The following LDLRAD4 variants were observed in gnomAD, a reference collection of about 807,000 sequenced individuals.
LDLRAD4 encodes the protein low-density lipoprotein receptor class A domain-containing protein 4.
LDLRAD4 carries 5 observed loss-of-function variants against 17.0 expected under a neutral mutation model. The ratio of observed to expected loss-of-function variants is 0.29; its 90% CI spans 0.15 to 0.62. The LOEUF (loss-of-function observed/expected upper bound fraction) is 0.62. LDLRAD4 is among the 20% of genes least tolerant of loss of function. LDLRAD4 has a pLI of 0.84. For synonymous variants in LDLRAD4, 168 were observed against 171.8 expected (o/e 0.98, Z 0.17); for missense variants, 340 against 424.7 (o/e 0.80, Z 1.75).
chr18:13,283,335 G>A (rs1156418704), intron 1 of LDLRAD4, among the ~76,000 whole-genome samples: 4 of 152,154 alleles, frequency 2.6e-5, no homozygotes, highest in Admixed American at 2.0e-4. Flanking sequence ...TTTATGCTCT[G>A]CTTCCCTTAT....
intron 3 of LDLRAD4, among the ~76,000 whole-genome samples, chr18:13,445,052 C>T (rs1396577708): frequency 1.3e-5 from 2 of 152,184 alleles, no homozygotes; most frequent in African/African-American, 4.8e-5. Context: ...TATTCTGGGA[C>T]CAGCAGTGTG....
At chr18:13,650,015 C>T in exon 6 of LDLRAD4, 1 of 398,534 alleles carries the variant, frequency 2.5e-6, no homozygotes, top group Non-Finnish European at 4.4e-6. Flanking sequence ...CAGCCCAGAT[C>T]CTAAATGCTA....
intron 1 of LDLRAD4, among the ~76,000 whole-genome samples, chr18:13,265,963 C>T (rs979701101): frequency 2.0e-5 from 3 of 152,158 alleles, no homozygotes; most frequent in Non-Finnish European, 4.4e-5. Flanking sequence ...TGGATCTGCT[C>T]GATCTAGGTT....
intron 2 of LDLRAD4, among the ~76,000 whole-genome samples, chr18:13,399,827 G>C (rs114960118): frequency 0.012 from 1,806 of 152,304 alleles, 41 homozygotes; most frequent in African/African-American, 0.04. Flanking sequence ...AGATGCCTTG[G>C]TAAGTTGATC....
chr18:13,424,511 G>T (rs2089766807), intron 2 of LDLRAD4, among the ~76,000 whole-genome samples: 1 of 152,212 alleles, frequency 6.6e-6, no homozygotes, highest in South Asian at 2.1e-4. Flanking sequence ...CTGGCCCCTG[G>T]GGATGCAAAG....
intron 1 of LDLRAD4, among the ~76,000 whole-genome samples, chr18:13,359,970 G>A (rs2083566024): frequency 6.6e-6 from 1 of 152,204 alleles, no homozygotes; most frequent in African/African-American, 2.4e-5. Context: ...TTTGTTTCTA[G>A]CAATCTTTGG....
intron 3 of LDLRAD4, among the ~76,000 whole-genome samples, chr18:13,585,885 A>G (rs1281031816): frequency 6.6e-6 from 1 of 152,218 alleles, no homozygotes; most frequent in Non-Finnish European, 1.5e-5. Context: ...GAGAACTGAA[A>G]GTTAGCTAAT....
chr18:13,231,217 G>A (rs1053491175), intron 1 of LDLRAD4, among the ~76,000 whole-genome samples: 8 of 152,196 alleles, frequency 5.3e-5, no homozygotes, highest in African/African-American at 1.9e-4. Context: ...GGGAGGAAGC[G>A]GGAGGGAGAA....
intron 4 of LDLRAD4, among the ~76,000 whole-genome samples, chr18:13,639,090 G>A (rs2042309381): frequency 6.6e-6 from 1 of 152,210 alleles, no homozygotes; most frequent in African/African-American, 2.4e-5. Context: ...TTAAAATTCT[G>A]TGAACTACTT....
intron 3 of LDLRAD4, among the ~76,000 whole-genome samples, chr18:13,566,131 G>A (rs1443392791): frequency 6.6e-6 from 1 of 152,180 alleles, no homozygotes; most frequent in Non-Finnish European, 1.5e-5. Flanking sequence ...CATGGTTACA[G>A]TTACATCCGC....
chr18:13,601,232 A>G (rs899292276), intron 3 of LDLRAD4, among the ~76,000 whole-genome samples: 2 of 152,240 alleles, frequency 1.3e-5, no homozygotes, highest in Non-Finnish European at 1.5e-5. Flanking sequence ...GCATTTAACA[A>G]TGATCATTTA....
chr18:13,367,883 A>C lies in LDLRAD4; in HGVS notation c.-382-19458A>C, dbSNP rs1160923364. 6.6e-6 allele frequency among the ~76,000 whole-genome samples: 1 copy of C among 151,790 alleles called. No individual in the cohort carries two copies. The highest frequency in any genetic ancestry group is 1.5e-5 in the Non-Finnish European group (1 of 67,918). On this transcript the variant is annotated intron_variant, in intron 1 of 5. Transcript: ENST00000359446. The surrounding 1 kb of genome is among the most constrained non-coding windows in gnomAD (Gnocchi z 4.1). ...GTGTATCGAGAGGGGACGACTGGGC[A>C]TGGGGGCGTGTGCCTGTGGTCACAG... is the stretch of plus-strand genomic sequence containing the variant.
At position 13,645,550 on chromosome 18, in the gene LDLRAD4, C is replaced by T. The variant is rs778275333; in HGVS notation, c.814C>T (p.Arg272Cys). Residue 272 changes from arginine to cysteine, a missense_variant, in exon 6 of 6, where the codon CGC (arginine) becomes TGC (cysteine). Coordinates refer to ENST00000359446, the Ensembl canonical transcript of LDLRAD4. The surrounding 1 kb of genome is among the most constrained non-coding windows in gnomAD (Gnocchi z 5.7). ...AGGCGCCTCTTTCCTCCATCACCAGCGCAGCAACGCACACAGGGGCAGCAG... is the reference window on the plus strand; with the variant it reads ...AGGCGCCTCTTTCCTCCATCACCAGTGCAGCAACGCACACAGGGGCAGCAG... 6.2e-6 allele frequency: 10 copies of T among 1,609,694 alleles called. No homozygotes were observed. The highest frequency in any genetic ancestry group is 2.2e-5 in the East Asian group (1 of 44,868).
At chr18:13,380,458 A>C (rs1267009490) in intron 1 of LDLRAD4, among the ~76,000 whole-genome samples, 2 of 152,106 alleles carry the variant, frequency 1.3e-5, no homozygotes, top group Non-Finnish European at 2.9e-5. Context: ...ACTCATCTTC[A>C]ACCTGTCCCC....
intron 3 of LDLRAD4, among the ~76,000 whole-genome samples, chr18:13,571,365 A>G (rs1374380288): frequency 3.3e-5 from 5 of 152,196 alleles, no homozygotes; most frequent in Non-Finnish European, 7.3e-5. Context: ...TATATAAAGC[A>G]TGTGAAGTTG....
intron 1 of LDLRAD4, among the ~76,000 whole-genome samples, chr18:13,226,418 C>T (rs2041808560): frequency 6.6e-6 from 1 of 151,674 alleles, no homozygotes; most frequent in African/African-American, 2.4e-5. Context: ...CCAGATGGGG[C>T]TTTCAGAATG....
intron 1 of LDLRAD4, among the ~76,000 whole-genome samples, chr18:13,332,610 T>G (rs1458257316): frequency 6.6e-6 from 1 of 152,222 alleles, no homozygotes; most frequent in African/African-American, 2.4e-5. Context: ...ACTGTCTCCA[T>G]AGTTTTGCCT....
At chr18:13,437,000 G>A (rs78260915) in intron 2 of LDLRAD4, among the ~76,000 whole-genome samples, 2,824 of 152,390 alleles carry the variant, frequency 0.019, 88 homozygotes, top group African/African-American at 0.063. Context: ...TACAACAGGT[G>A]AAGGTTATTG....
intron 3 of LDLRAD4, among the ~76,000 whole-genome samples, chr18:13,451,646 A>G (rs1256802322): frequency 1.3e-5 from 2 of 152,178 alleles, no homozygotes; most frequent in Admixed American, 6.5e-5. Context: ...TGCATCTTAC[A>G]TGTCTGGAGG....
Sources: allele counts gnomAD v4.1 joint callset (sites outside exome capture counted in the v4.1 genomes callset), GRCh38; gene constraint gnomAD v4.1.1; non-coding constraint Gnocchi (gnomAD v3.1); transcripts MANE v1.5; gene names NCBI Gene and HGNC (gene_info 2026-07-23, HGNC 2026-07-21).